The following LYN variants were observed in gnomAD, a reference collection of about 807,000 sequenced individuals.
The protein encoded by LYN is LYN proto-oncogene, Src family tyrosine kinase, also known as tyrosine-protein kinase Lyn.
A neutral mutation model predicts 65.0 loss-of-function variants in LYN; 12 were observed. The ratio of observed to expected loss-of-function variants is 0.18; its 90% CI spans 0.12 to 0.30. The LOEUF is 0.30. Among genes scored for constraint, LYN ranks in the 10% least tolerant of loss-of-function variants. LYN has a pLI of 1.00. For missense variants in LYN, 380 were observed against 623.2 expected (o/e 0.61, Z 4.16); for synonymous variants, 222 against 221.2 (o/e 1.00, Z -0.03).
intron 1 of LYN, among the ~76,000 whole-genome samples, chr8:55,917,189 AGAG>A (rs1370898046): frequency 6.8e-6 from 1 of 147,114 alleles, no homozygotes; most frequent in Non-Finnish European, 1.5e-5. Flanking sequence ...AAAAAAAAAA[AGAG>A]AGAGAGAGAG....
intron 10 of LYN, among the ~76,000 whole-genome samples, chr8:55,994,798 C>A (rs926119716): frequency 1.3e-5 from 2 of 152,162 alleles, no homozygotes; most frequent in Non-Finnish European, 2.9e-5. Context: ...TTAAAGGCTG[C>A]ACTACCATGG....
At chr8:55,914,013 G>C (rs1386802255) in intron 1 of LYN, among the ~76,000 whole-genome samples, 1 of 152,106 alleles carries the variant, frequency 6.6e-6, no homozygotes, top group Non-Finnish European at 1.5e-5. Context: ...TGAGGAAACA[G>C]GGGAGAGATG....
chr8:55,936,860 TC>T (rs1376580901), intron 1 of LYN, among the ~76,000 whole-genome samples: 4 of 152,188 alleles, frequency 2.6e-5, no homozygotes, highest in Non-Finnish European at 5.9e-5. Context: ...CAGACCAAGT[TC>T]CGGTTGTACC....
chr8:55,976,671 G>A, intron 10 of LYN, among the ~76,000 whole-genome samples: 1 of 152,190 alleles, frequency 6.6e-6, no homozygotes, highest in Non-Finnish European at 1.5e-5. Flanking sequence ...GGAGGATGGA[G>A]CGTAGTAGGG....
chr8:55,956,200 A>G (rs1486954278), intron 8 of LYN, among the ~76,000 whole-genome samples: 1 of 152,196 alleles, frequency 6.6e-6, no homozygotes, highest in Non-Finnish European at 1.5e-5. Context: ...GGAATAGTAT[A>G]ATGAATATTG....
intron 1 of LYN, among the ~76,000 whole-genome samples, chr8:55,881,055 GT>G (rs1804642789): frequency 6.6e-6 from 1 of 152,160 alleles, no homozygotes; most frequent in Non-Finnish European, 1.5e-5. Flanking sequence ...CCCTGTTTGA[GT>G]TTCTTCATCT....
At chr8:55,906,016 GTGT>G (rs970838274) in intron 1 of LYN, among the ~76,000 whole-genome samples, 2 of 152,184 alleles carry the variant, frequency 1.3e-5, no homozygotes, top group African/African-American at 4.8e-5. Flanking sequence ...CAGTAGTTTT[GTGT>G]TGTTGCTTTT....
At chr8:55,935,107 C>T (rs532129928) in intron 1 of LYN, among the ~76,000 whole-genome samples, 22 of 152,268 alleles carry the variant, frequency 1.4e-4, no homozygotes, top group African/African-American at 3.4e-4. Flanking sequence ...GAGGGATTCC[C>T]GGCACCGAAA....
At chr8:55,987,234 G>A (rs1304216143) in intron 10 of LYN, among the ~76,000 whole-genome samples, 8 of 151,920 alleles carry the variant, frequency 5.3e-5, no homozygotes. Context: ...GGAACATGAT[G>A]AAACACCGTC....
rs1158316149 is a variant in LYN, at chr8:56,011,379, A to C, written c.*1269A>C. The C allele has an allele frequency of 4.7e-6, 1 of 215,014 alleles. No homozygotes were observed. The highest frequency in any genetic ancestry group is 2.3e-5 in the African/African-American group (1 of 44,328). The allele number at this position is 215,014 out of a possible 1,614,324, so 13.3% of individuals were successfully genotyped here. A position where few individuals can be genotyped will look rare whatever the true frequency, so the allele number is the denominator to read the frequency against. On this transcript the variant is annotated 3_prime_UTR_variant, in exon 13 of 13. Transcript: ENST00000519728. ...TTATTTTAATACACCTCGTCCAATAACATCTCAAGCTTTTTATTTGCATTT... is the reference window on the plus strand; with the variant it reads ...TTATTTTAATACACCTCGTCCAATACCATCTCAAGCTTTTTATTTGCATTT...
chr8:55,911,748 A>T (rs1285653180), intron 1 of LYN, among the ~76,000 whole-genome samples: 1 of 152,154 alleles, frequency 6.6e-6, no homozygotes, highest in African/African-American at 2.4e-5. Flanking sequence ...TAGGTTTTGC[A>T]TGTCCGTGGA....
At chr8:55,888,404 G>A (rs1044662220) in intron 1 of LYN, among the ~76,000 whole-genome samples, 2 of 152,162 alleles carry the variant, frequency 1.3e-5, no homozygotes, top group Non-Finnish European at 2.9e-5. Flanking sequence ...ATTAACGAAG[G>A]GGAATCACTG....
At chr8:55,994,102 C>T (rs2667972) in intron 10 of LYN, among the ~76,000 whole-genome samples, 22,272 of 151,940 alleles carry the variant, frequency 0.15, 2,205 homozygotes, top group Middle Eastern at 0.23. Context: ...TTTACTTAGC[C>T]GTAGTAAATA....
intron 11 of LYN, 32 bp from the exon 12 acceptor site, chr8:55,999,386 C>T: frequency 6.3e-7 from 1 of 1,599,568 alleles, no homozygotes; most frequent in Non-Finnish European, 8.5e-7. Context: ...AGTTTAAATA[C>T]CCAAGTAAGA....
chr8:56,006,954 C>T (rs1808689420), intron 12 of LYN, among the ~76,000 whole-genome samples: 1 of 152,100 alleles, frequency 6.6e-6, no homozygotes, highest in South Asian at 2.1e-4. Flanking sequence ...CTTCAGATTC[C>T]CTTCTTCCAA....
chr8:55,935,143 C>T (rs138283635), intron 1 of LYN, among the ~76,000 whole-genome samples: 184 of 152,310 alleles, frequency 1.2e-3, no homozygotes, highest in African/African-American at 4.2e-3. Flanking sequence ...TGCCCCCAAA[C>T]ACTGTTCCTA....
chr8:55,962,205 A>G (rs1406133862), intron 8 of LYN, among the ~76,000 whole-genome samples: 2 of 149,600 alleles, frequency 1.3e-5, no homozygotes, highest in Non-Finnish European at 3.0e-5. Context: ...TCTTCATTCC[A>G]TATGGTGTTG....
At chr8:55,928,513 G>A (rs563057514) in intron 1 of LYN, among the ~76,000 whole-genome samples, 2 of 152,242 alleles carry the variant, frequency 1.3e-5, no homozygotes, top group South Asian at 4.2e-4. Flanking sequence ...GTACTTATTT[G>A]CCATCTGTAG....
chr8:55,899,207 T>C (rs898771973), intron 1 of LYN, among the ~76,000 whole-genome samples: 37 of 152,186 alleles, frequency 2.4e-4, no homozygotes, highest in African/African-American at 8.9e-4. Flanking sequence ...TAAATATTTG[T>C]CCTCTGTTAG....
Sources: gnomAD v4.1 joint callset for allele counts (sites outside exome capture counted in the v4.1 genomes callset) on GRCh38, gnomAD v4.1.1 for gene constraint, MANE v1.5 for transcripts, NCBI Gene and HGNC (gene_info 2026-07-23, HGNC 2026-07-21) for gene names.